DMD: variants seen among roughly 807,000 people sequenced by gnomAD.
The protein encoded by DMD is mutant dystrophin.
Under a neutral mutation model 330.1 loss-of-function variants are expected in DMD, and 63 were observed. The observed-to-expected ratio is 0.19, with a 90% confidence interval of 0.16 to 0.24. The LOEUF is 0.24. Among genes scored for constraint, DMD ranks in the 10% least tolerant of loss-of-function variants. The pLI, the probability that DMD is intolerant of heterozygous loss-of-function variation, is 1.00. For synonymous variants in DMD, 1,223 were observed against 959.8 expected, an observed-to-expected ratio of 1.27 and a Z score of -5.07; for missense variants, 3,344 against 2,684.1, an observed-to-expected ratio of 1.25 and a Z score of -5.43.
At chrX:32,034,840 G>T (rs1201848653) in intron 44 of DMD, among the ~76,000 whole-genome samples, 1 of 111,401 alleles carries the variant, frequency 9.0e-6, no homozygotes, top group Admixed American at 9.5e-5. Context: ...TTCATAAAAA[G>T]AAGCCTAGTA....
At chrX:31,621,909 T>TA (rs1011531621) in intron 55 of DMD, among the ~76,000 whole-genome samples, 1 of 112,197 alleles carries the variant, frequency 8.9e-6, no homozygotes, top group Non-Finnish European at 1.9e-5. Context: ...TGAACCTAAA[T>TA]AACTCCTAAC....
chrX:31,821,569 T>C (rs954244052), intron 49 of DMD, among the ~76,000 whole-genome samples: 2 of 111,863 alleles, frequency 1.8e-5, no homozygotes, highest in African/African-American at 6.5e-5. Flanking sequence ...CAATAACATA[T>C]GTAAGAAAGC....
intron 11 of DMD, 86 bp from the exon 12 acceptor site, chrX:32,614,539 T>C: frequency 1.2e-6 from 1 of 851,156 alleles, no homozygotes; most frequent in Non-Finnish European, 1.7e-6. Context: ...GAATTTATAA[T>C]ATATGGAATG....
chrX:32,308,679 C>A (rs745612705), intron 42 of DMD, among the ~76,000 whole-genome samples: 10 of 110,764 alleles, frequency 9.0e-5, no homozygotes, highest in Non-Finnish European at 1.7e-4. Context: ...TTAAATAGAT[C>A]AGGATGAACA....
chrX:32,510,992 A>T (rs775564773), intron 18 of DMD, among the ~76,000 whole-genome samples: 35 of 109,766 alleles, frequency 3.2e-4, no homozygotes, highest in Non-Finnish European at 5.7e-4. Flanking sequence ...GTGTGTATGT[A>T]CATATATGTA....
At chrX:33,111,426 A>G (rs2095338460) in intron 1 of DMD, among the ~76,000 whole-genome samples, 1 of 112,211 alleles carries the variant, frequency 8.9e-6, no homozygotes, top group African/African-American at 3.2e-5. Context: ...GACGTCTCCT[A>G]TCAGCCTGAA....
intron 59 of DMD, among the ~76,000 whole-genome samples, chrX:31,465,256 G>A (rs1433041735): frequency 9.0e-6 from 1 of 110,594 alleles, no homozygotes; most frequent in Non-Finnish European, 1.9e-5. Context: ...TGCAGAACGT[G>A]CAGGTTTGTT....
intron 4 of DMD, among the ~76,000 whole-genome samples, chrX:32,827,552 ATAGG>A (rs1569529860): frequency 9.0e-6 from 1 of 110,759 alleles, no homozygotes; most frequent in African/African-American, 3.3e-5. Context: ...ATGGTGCCTG[ATAGG>A]TAGTTTTTCT....
At chrX:31,924,986 C>A (rs184946775) in intron 47 of DMD, among the ~76,000 whole-genome samples, 222 of 111,745 alleles carry the variant, frequency 2.0e-3, no homozygotes, top group African/African-American at 6.8e-3. Flanking sequence ...ATAACGTACA[C>A]CACCTGTAAA....
rs1060502622 is a variant in DMD at position 31,209,536 on chromosome X, C to T, written c.9525G>A (p.Val3175=). 8.3e-6 allele frequency: 10 copies of T among 1,209,226 alleles called. No individual in the cohort carries two copies. The highest frequency in any genetic ancestry group is 1.1e-5 in the Non-Finnish European group (10 of 895,076). ...HNNLVNVPLC[V]DMCLNWLLNV... ...TCAGCAGCCAGTTCAGACACATATC[C>T]ACGCAGAGAGGGACGTTGACCAAAT... Residue 3175 remains valine (V), a synonymous_variant, in exon 65 of 79, where the codon GTG becomes GTA. Coordinates refer to ENST00000357033, the MANE Select transcript of DMD (RefSeq NM_004006.3).
chrX:31,864,485 C>CTTT (rs201374257), intron 48 of DMD, among the ~76,000 whole-genome samples: 7,482 of 54,072 alleles, frequency 0.14, 943 homozygotes, highest in African/African-American at 0.36. Flanking sequence ...TTTTGAAGGC[C>CTTT]TTTTTTTTTT....
chrX:31,750,556 T>A (rs1432433005), intron 51 of DMD, among the ~76,000 whole-genome samples: 2 of 111,118 alleles, frequency 1.8e-5, no homozygotes, highest in East Asian at 5.7e-4. Context: ...AGCCTTGTAC[T>A]ATAGAAGCAT....
chrX:31,301,745 T>C (rs564907431), intron 62 of DMD, among the ~76,000 whole-genome samples: 10 of 107,719 alleles, frequency 9.3e-5, no homozygotes, highest in African/African-American at 3.0e-4. Flanking sequence ...GTTTTGTTCT[T>C]TTTTTGTTTG....
intron 1 of DMD, among the ~76,000 whole-genome samples, chrX:33,309,303 T>C (rs1386696517): frequency 9.0e-6 from 1 of 111,677 alleles, no homozygotes; most frequent in African/African-American, 3.2e-5. Flanking sequence ...CTAAGATCTG[T>C]ACTTCAAAAT....
rs777590055 is a variant in DMD, at chrX:31,374,659, C to A, written c.9085-26025G>T. Among the ~76,000 whole-genome samples, 6 of 66,666 alleles carry A rather than the reference C, an allele frequency of 9.0e-5. No homozygotes were observed. In the East Asian group the frequency reaches 3.1e-3, roughly 35 times the overall value. The allele number at this position is 66,666 out of a possible 115,157, so 57.9% of individuals were successfully genotyped here. The stretch of plus-strand genomic sequence containing the variant: ...GACACAGGAAGGGGAACATCACACT[C>A]TGGGGACTGTTGTGGGGTGGGGGGA... On this transcript the variant is annotated intron_variant, in intron 60 of 78. Coordinates refer to ENST00000357033, the MANE Select transcript of DMD (RefSeq NM_004006.3).
intron 12 of DMD, 139 bp downstream of exon 12, chrX:32,614,164 G>A: frequency 3.1e-6 from 2 of 637,952 alleles, no homozygotes; most frequent in Non-Finnish European, 4.6e-6. Context: ...AAACAATTAG[G>A]TAAAAATAAT....
chrX:32,072,784 A>G (rs185243416), intron 44 of DMD, among the ~76,000 whole-genome samples: 6 of 111,841 alleles, frequency 5.4e-5, no homozygotes, highest in African/African-American at 1.9e-4. Flanking sequence ...AAATCACTCC[A>G]GGTACAGCAT....
chrX:33,326,689 T>A (rs2054094025), intron 1 of DMD, among the ~76,000 whole-genome samples: 1 of 112,155 alleles, frequency 8.9e-6, no homozygotes, highest in Admixed American at 9.5e-5. Context: ...TAAAGCCACC[T>A]GTGGACTTTA....
At chrX:32,580,895 C>A (rs1016160597) in intron 13 of DMD, among the ~76,000 whole-genome samples, 1 of 110,793 alleles carries the variant, frequency 9.0e-6, no homozygotes, top group Admixed American at 9.6e-5. Flanking sequence ...GGCGCGATCT[C>A]GGCTCACTGC....
Sources: gnomAD v4.1 joint callset for allele counts (sites outside exome capture counted in the v4.1 genomes callset) on GRCh38, gnomAD v4.1.1 for gene constraint, MANE v1.5 for transcripts, NCBI Gene and HGNC (gene_info 2026-07-23, HGNC 2026-07-21) for gene names.